The following PHF24 variants were observed in gnomAD, a reference collection of about 807,000 sequenced individuals.
The protein encoded by PHF24 is Galpha inhibitory interacting protein.
Under a neutral mutation model 42.6 loss-of-function variants are expected in PHF24, and 25 were observed. That is an observed-to-expected ratio of 0.59 (90% confidence interval 0.43 to 0.82). The LOEUF is 0.82. Among genes scored for constraint, PHF24 ranks in the 40% least tolerant of loss-of-function variants. The probability of loss-of-function intolerance (pLI) is 0.00; values close to 1 mark genes in which losing one functional copy is unlikely to be tolerated. For missense variants in PHF24, 470 were observed against 538.1 expected (o/e 0.87, Z 1.25); for synonymous variants, 185 against 204.8 (o/e 0.90, Z 0.83).
At chr9:34,717,594 G>A in the PHF24 span, among the ~76,000 whole-genome samples, 532 of 152,272 alleles carry the variant, frequency 3.5e-3, 1 homozygote, top group Non-Finnish European at 4.4e-3. Flanking sequence ...CCACATTGTT[G>A]AGACCAGGGG....
At chr9:34,915,958 G>C in the PHF24 span, among the ~76,000 whole-genome samples, 1 of 151,984 alleles carries the variant, frequency 6.6e-6, no homozygotes, top group Non-Finnish European at 1.5e-5. Context: ...TCTCGTGGTA[G>C]TGACTGAGTT....
chr9:34,943,482 G>C, the PHF24 span, among the ~76,000 whole-genome samples: 5 of 152,104 alleles, frequency 3.3e-5, no homozygotes, highest in African/African-American at 1.2e-4. Context: ...TTATTAGTTG[G>C]TCTCTGTAGA....
the PHF24 span, among the ~76,000 whole-genome samples, chr9:34,764,061 G>A: frequency 2.0e-5 from 3 of 152,056 alleles, no homozygotes; most frequent in African/African-American, 4.8e-5. Flanking sequence ...CTTGATCATG[G>A]TGGATAAGCT....
the PHF24 span, among the ~76,000 whole-genome samples, chr9:34,780,298 C>CTTTTTTTTTTTTTTTTTTTTTTTTTT: frequency 3.1e-4 from 20 of 63,898 alleles, no homozygotes; most frequent in South Asian, 5.4e-4. Context: ...TTCTTTTTTT[C>CTTTTTTTTTTTTTTTTTTTTTTTTTT]TTTTTTTTTT....
chr9:34,824,641 AAG>A, the PHF24 span, among the ~76,000 whole-genome samples: 7 of 151,854 alleles, frequency 4.6e-5, no homozygotes, highest in African/African-American at 1.4e-4. Flanking sequence ...AATTTAGACA[AAG>A]AGATAAATTT....
chr9:34,726,088 T>G, the PHF24 span: 17 of 1,497,230 alleles, frequency 1.1e-5, no homozygotes, highest in Middle Eastern at 1.7e-4. Flanking sequence ...AGTGGTGTCT[T>G]TGTTCTGGGT....
the PHF24 span, among the ~76,000 whole-genome samples, chr9:34,839,054 G>C: frequency 6.6e-6 from 1 of 152,204 alleles, no homozygotes; most frequent in Non-Finnish European, 1.5e-5. Context: ...GATGTGGTAG[G>C]GTGATAGGGA....
At chr9:34,847,807 T>G in the PHF24 span, among the ~76,000 whole-genome samples, 2 of 152,154 alleles carry the variant, frequency 1.3e-5, no homozygotes, top group Non-Finnish European at 2.9e-5. Flanking sequence ...GTTTTTAGCA[T>G]GAAGCGTTGT....
the PHF24 span, among the ~76,000 whole-genome samples, chr9:34,766,306 G>T: frequency 2.0e-5 from 3 of 152,156 alleles, 1 homozygote; most frequent in South Asian, 6.2e-4. Flanking sequence ...TTTCCAACTT[G>T]GTTCCATTCT....
At chr9:34,861,312 C>A in the PHF24 span, among the ~76,000 whole-genome samples, 26 of 152,314 alleles carry the variant, frequency 1.7e-4, no homozygotes, top group African/African-American at 5.8e-4. Context: ...GCAAAGGCCA[C>A]ACTGTAGGGT....
chr9:34,883,344 A>G, the PHF24 span, among the ~76,000 whole-genome samples: 8 of 152,242 alleles, frequency 5.3e-5, no homozygotes, highest in Non-Finnish European at 1.2e-4. Context: ...CAATAGCAAC[A>G]AAAGCCAAAA....
At chr9:34,869,642 A>G in the PHF24 span, among the ~76,000 whole-genome samples, 1 of 152,154 alleles carries the variant, frequency 6.6e-6, no homozygotes, top group East Asian at 1.9e-4. Flanking sequence ...TGTGTTTTGT[A>G]TACACACACA....
At chr9:34,730,917 G>T in the PHF24 span, among the ~76,000 whole-genome samples, 1 of 152,358 alleles carries the variant, frequency 6.6e-6, no homozygotes, top group African/African-American at 2.4e-5. Flanking sequence ...GGACTGGAGA[G>T]CAATTGTGAG....
At chr9:34,738,595 C>A in the PHF24 span, among the ~76,000 whole-genome samples, 3 of 152,148 alleles carry the variant, frequency 2.0e-5, no homozygotes, top group African/African-American at 7.2e-5. Context: ...ATCCGCCTGC[C>A]TCAGCCTCCC....
chr9:34,759,278 G>C, the PHF24 span, among the ~76,000 whole-genome samples: 25 of 152,148 alleles, frequency 1.6e-4, no homozygotes, highest in Non-Finnish European at 3.4e-4. Flanking sequence ...TGGACCAGCT[G>C]TACCCAATCC....
chr9:34,729,177 A>T, the PHF24 span: 1 of 1,320,942 alleles, frequency 7.6e-7, no homozygotes, highest in Non-Finnish European at 1.0e-6. Flanking sequence ...AAGGTAACTG[A>T]AAGTATGCTA....
the PHF24 span, among the ~76,000 whole-genome samples, chr9:34,901,344 C>T: frequency 6.6e-6 from 1 of 152,128 alleles, no homozygotes; most frequent in African/African-American, 2.4e-5. Context: ...AAGTTCTTAA[C>T]ATTTTAGCAA....
At chr9:34,706,983 T>TAA in the PHF24 span, among the ~76,000 whole-genome samples, 2 of 140,006 alleles carry the variant, frequency 1.4e-5, no homozygotes, top group East Asian at 4.1e-4. Context: ...AAGCAAGCCT[T>TAA]AAAAAAAAAA....
chr9:34,726,581 A>G, the PHF24 span: 9 of 1,551,518 alleles, frequency 5.8e-6, no homozygotes, highest in African/African-American at 5.5e-5. Flanking sequence ...TGAAGAAGCT[A>G]TGGTGTTTGG....
Sources: gnomAD v4.1 joint callset for allele counts (sites outside exome capture counted in the v4.1 genomes callset) on GRCh38, gnomAD v4.1.1 for gene constraint, MANE v1.5 for transcripts, NCBI Gene and HGNC (gene_info 2026-07-23, HGNC 2026-07-21) for gene names.